The following NFIL3 variants were observed in gnomAD, a reference collection of about 807,000 sequenced individuals.
The protein encoded by NFIL3 is nuclear factor interleukin-3-regulated protein.
Under a neutral mutation model 10.0 loss-of-function variants are expected in NFIL3, and 5 were observed. That is an observed-to-expected ratio of 0.50 (90% CI 0.26 to 1.06). The LOEUF (loss-of-function observed/expected upper bound fraction) is 1.06, where lower values mean the gene tolerates loss of function less well. Ranked by LOEUF, NFIL3 falls within the 50% of genes least tolerant of loss-of-function variation. The probability of loss-of-function intolerance (pLI) is 0.13; values close to 1 mark genes in which losing one functional copy is unlikely to be tolerated. For synonymous variants in NFIL3, 202 were observed against 206.5 expected (o/e 0.98, Z 0.19); for missense variants, 436 against 547.6 (o/e 0.80, Z 2.03).
At chr9:91,474,518 T>C in the NFIL3 span, among the ~76,000 whole-genome samples, 1 of 152,172 alleles carries the variant, frequency 6.6e-6, no homozygotes, top group African/African-American at 2.4e-5. Flanking sequence ...TTTGGGGCAA[T>C]GGTTTGGCCT....
the NFIL3 span, among the ~76,000 whole-genome samples, chr9:91,480,885 CAG>C: frequency 6.6e-6 from 1 of 152,190 alleles, no homozygotes; most frequent in Non-Finnish European, 1.5e-5. Context: ...TGATAGGACT[CAG>C]AGTAAATAAT....
chr9:91,457,995 G>A, the NFIL3 span, among the ~76,000 whole-genome samples: 4 of 151,902 alleles, frequency 2.6e-5, no homozygotes, highest in East Asian at 7.7e-4. Flanking sequence ...AGCCAACCTT[G>A]TATTCATGGG....
At chr9:91,418,755 T>G (rs1212105692) in intron 1 of NFIL3, among the ~76,000 whole-genome samples, 1 of 152,152 alleles carries the variant, frequency 6.6e-6, no homozygotes, top group African/African-American at 2.4e-5. Context: ...AAAGCACAGA[T>G]TAATAACAAA....
At chr9:91,466,850 G>C in the NFIL3 span, among the ~76,000 whole-genome samples, 1 of 152,034 alleles carries the variant, frequency 6.6e-6, no homozygotes, top group Non-Finnish European at 1.5e-5. Context: ...CATGATACTC[G>C]GATATTTAGT....
chr9:91,472,129 C>T, the NFIL3 span, among the ~76,000 whole-genome samples: 1 of 152,166 alleles, frequency 6.6e-6, no homozygotes, highest in African/African-American at 2.4e-5. Context: ...CTCTGGCTGC[C>T]CTTAACATTT....
At chr9:91,454,233 C>CA in the NFIL3 span, among the ~76,000 whole-genome samples, 293 of 59,712 alleles carry the variant, frequency 4.9e-3, 4 homozygotes, top group Middle Eastern at 0.035. Flanking sequence ...GACTCTGTCT[C>CA]AAAAAAAAAA....
upstream of NFIL3, chr9:91,426,945 C>G (rs1021759771): frequency 6.6e-6 from 1 of 152,154 alleles, no homozygotes; most frequent in Non-Finnish European, 1.5e-5. Flanking sequence ...AATGAGAATT[C>G]AGGACGTTAG....
chr9:91,473,827 A>T, the NFIL3 span, among the ~76,000 whole-genome samples: 212 of 152,314 alleles, frequency 1.4e-3, 2 homozygotes, highest in African/African-American at 4.9e-3. Flanking sequence ...AGCTGTTCCT[A>T]TTTGGCCATC....
chr9:91,410,209 T>C lies in NFIL3; in HGVS notation c.526A>G (p.Ile176Val), dbSNP rs775350563. ...HEPSMVSSSC[I>V]SVIKHSPQSS... ...TGTGGAGAGTGTTTAATGACAGAAA[T>C]ACAACTACTTGACACCATCGAGGGT... Residue 176 changes from isoleucine to valine, a missense_variant, in exon 2 of 2, where the codon ATT (isoleucine) becomes GTT (valine). Transcript: ENST00000297689. The surrounding 1 kb of genome is among the most constrained non-coding windows in gnomAD (Gnocchi z 5.7). The C allele has an allele frequency of 6.2e-7, 1 of 1,614,100 alleles. No individual in the cohort carries two copies. The highest frequency in any genetic ancestry group is 8.5e-7 in the Non-Finnish European group (1 of 1,180,002).
chr9:91,475,488 C>G, the NFIL3 span, among the ~76,000 whole-genome samples: 1 of 152,068 alleles, frequency 6.6e-6, no homozygotes, highest in African/African-American at 2.4e-5. Flanking sequence ...ATATTATAAC[C>G]TACAAGATGT....
chr9:91,415,358 T>C (rs10991925), intron 1 of NFIL3, among the ~76,000 whole-genome samples: 46,458 of 152,120 alleles, frequency 0.31, 7,442 homozygotes, highest in African/African-American at 0.4. Context: ...TCATTCACTT[T>C]TGGTGACAAT....
the NFIL3 span, among the ~76,000 whole-genome samples, chr9:91,445,305 G>A: frequency 6.6e-6 from 1 of 152,328 alleles, no homozygotes; most frequent in Non-Finnish European, 1.5e-5. Context: ...CTGAGAATGT[G>A]AGGCATGACA....
the NFIL3 span, among the ~76,000 whole-genome samples, chr9:91,444,288 A>G: frequency 6.6e-6 from 1 of 152,140 alleles, no homozygotes; most frequent in Admixed American, 6.5e-5. Flanking sequence ...AAAAAAAATG[A>G]TATCTATCTC....
At position 91,417,199 on chromosome 9, in the gene NFIL3, A is replaced by G. The variant is rs113340941; in HGVS notation, c.-172-6293T>C. Among the ~76,000 whole-genome samples, 13 of 152,244 alleles carry G rather than the reference A, an allele frequency of 8.5e-5. 1 individual carries two copies. The highest frequency in any genetic ancestry group is 2.9e-4 in the African/African-American group (12 of 41,550). On this transcript the variant is annotated intron_variant, in intron 1 of 1. Transcript: ENST00000297689. ...GAAATACTATTTGATATGCCCAATG[A>G]TTTGGAAACATTATAGAATTATCTT...
the NFIL3 span, among the ~76,000 whole-genome samples, chr9:91,440,391 C>A: frequency 6.6e-6 from 1 of 151,814 alleles, no homozygotes; most frequent in Non-Finnish European, 1.5e-5. Context: ...TGAGTCTTTT[C>A]TCTCTTTTTT....
the NFIL3 span, among the ~76,000 whole-genome samples, chr9:91,475,869 G>C: frequency 1.3e-5 from 2 of 152,218 alleles, no homozygotes; most frequent in Non-Finnish European, 2.9e-5. Flanking sequence ...ATAATAGCTT[G>C]CAAATGCAAA....
chr9:91,469,269 G>C, the NFIL3 span, among the ~76,000 whole-genome samples: 1 of 152,048 alleles, frequency 6.6e-6, no homozygotes, highest in Non-Finnish European at 1.5e-5. Flanking sequence ...TGGATTCCTA[G>C]GTATTTTATT....
chr9:91,439,599 G>T, the NFIL3 span, among the ~76,000 whole-genome samples: 1 of 152,108 alleles, frequency 6.6e-6, no homozygotes, highest in African/African-American at 2.4e-5. Flanking sequence ...GACCTTGGTG[G>T]AAAAGCTTTC....
chr9:91,453,674 CA>C, the NFIL3 span, among the ~76,000 whole-genome samples: 1 of 152,070 alleles, frequency 6.6e-6, no homozygotes, highest in East Asian at 1.9e-4. Context: ...ATTTATTATA[CA>C]GATTAGTCTA....
Sources: gnomAD v4.1 joint callset for allele counts (sites outside exome capture counted in the v4.1 genomes callset) on GRCh38, gnomAD v4.1.1 for gene constraint, Gnocchi (gnomAD v3.1) non-coding constraint, MANE v1.5 for transcripts, NCBI Gene and HGNC (gene_info 2026-07-23, HGNC 2026-07-21) for gene names.